Variants in NRXN3 observed in about 807,000 individuals in gnomAD.
NRXN3 encodes neurexin III.
A neutral mutation model predicts 137.6 loss-of-function variants in NRXN3; 32 were observed. The ratio of observed to expected loss-of-function variants is 0.23; its 90% confidence interval spans 0.18 to 0.31. The LOEUF is 0.31. NRXN3 is among the 10% of genes least tolerant of loss of function. The pLI is 1.00. For missense variants in NRXN3, 1,574 were observed against 2,062.5 expected, an observed-to-expected ratio of 0.76 and a Z score of 4.59; for synonymous variants, 798 against 784.5, an observed-to-expected ratio of 1.02 and a Z score of -0.29.
chr14:79,784,407 A>G (rs2099122923), intron 19 of NRXN3, among the ~76,000 whole-genome samples: 1 of 152,062 alleles, frequency 6.6e-6, no homozygotes, highest in African/African-American at 2.4e-5. Flanking sequence ...TACTGGGTTT[A>G]TTTTTGCATG....
At chr14:79,256,301 A>G (rs114549288) in intron 15 of NRXN3, among the ~76,000 whole-genome samples, 33 of 152,324 alleles carry the variant, frequency 2.2e-4, no homozygotes, top group African/African-American at 7.9e-4. Flanking sequence ...AAGCAAAGGT[A>G]AAATTCTCAA....
At chr14:79,528,081 T>C (rs1414256425) in intron 16 of NRXN3, among the ~76,000 whole-genome samples, 1 of 152,130 alleles carries the variant, frequency 6.6e-6, no homozygotes, top group Admixed American at 6.6e-5. Flanking sequence ...ATTTACGTAT[T>C]TAACCAAAAG....
chr14:78,952,615 C>T (rs1436328030), intron 10 of NRXN3, among the ~76,000 whole-genome samples: 1 of 152,158 alleles, frequency 6.6e-6, no homozygotes. Context: ...TCAAATCTAA[C>T]ACAGTCCATC....
chr14:79,028,484 A>G (rs1208850614), intron 15 of NRXN3, among the ~76,000 whole-genome samples: 1 of 152,144 alleles, frequency 6.6e-6, no homozygotes, highest in Non-Finnish European at 1.5e-5. Flanking sequence ...GCAAGGTTAA[A>G]CGTCTGACTC....
intron 16 of NRXN3, among the ~76,000 whole-genome samples, chr14:79,625,360 C>G (rs945215576): frequency 4.0e-5 from 6 of 151,868 alleles, no homozygotes; most frequent in Admixed American, 6.6e-5. Flanking sequence ...AGACATGAAC[C>G]AACTATCAGG....
At chr14:78,691,826 A>G (rs1400969801) in intron 6 of NRXN3, among the ~76,000 whole-genome samples, 1 of 152,188 alleles carries the variant, frequency 6.6e-6, no homozygotes, top group African/African-American at 2.4e-5. Context: ...TGGTAAATAC[A>G]GAAGATGCTT....
chr14:78,594,725 C>T (rs1240836955), intron 4 of NRXN3, among the ~76,000 whole-genome samples: 1 of 152,170 alleles, frequency 6.6e-6, no homozygotes, highest in Non-Finnish European at 1.5e-5. Flanking sequence ...CAAGAGGCCA[C>T]TGTGGGCTAT....
intron 8 of NRXN3, among the ~76,000 whole-genome samples, chr14:78,739,663 G>T (rs372459812): frequency 6.6e-6 from 1 of 152,078 alleles, no homozygotes; most frequent in East Asian, 1.9e-4. Context: ...GTAGAGATGG[G>T]GTTTCGCTAT....
At chr14:79,403,483 C>T (rs905173214) in intron 15 of NRXN3, among the ~76,000 whole-genome samples, 3 of 152,152 alleles carry the variant, frequency 2.0e-5, no homozygotes, top group African/African-American at 4.8e-5. Flanking sequence ...CCTGTTACTC[C>T]CTCTTAATCA....
At chr14:79,288,570 G>C (rs908491166) in intron 15 of NRXN3, among the ~76,000 whole-genome samples, 1 of 152,180 alleles carries the variant, frequency 6.6e-6, no homozygotes, top group African/African-American at 2.4e-5. Flanking sequence ...ACTCAGAGAG[G>C]TTAAGTGGCT....
intron 15 of NRXN3, among the ~76,000 whole-genome samples, chr14:79,391,987 C>G (rs1035548040): frequency 5.9e-5 from 9 of 151,786 alleles, no homozygotes; most frequent in Non-Finnish European, 1.2e-4. Context: ...TTTTTTTCTT[C>G]TCTCTCTTTT....
chr14:79,426,411 T>C (rs755546168), intron 15 of NRXN3, among the ~76,000 whole-genome samples: 3 of 152,126 alleles, frequency 2.0e-5, no homozygotes, highest in Non-Finnish European at 4.4e-5. Flanking sequence ...ATTTTGACAT[T>C]CAATCAGAGA....
chr14:78,499,801 G>A (rs1191065455), intron 4 of NRXN3, among the ~76,000 whole-genome samples: 2 of 152,174 alleles, frequency 1.3e-5, no homozygotes, highest in East Asian at 3.9e-4. Flanking sequence ...GTTCACTAGA[G>A]GCTGCCCTCA....
At chr14:79,008,661 C>CTTT (rs372617673) in intron 15 of NRXN3, among the ~76,000 whole-genome samples, 16 of 130,808 alleles carry the variant, frequency 1.2e-4, no homozygotes, top group African/African-American at 4.3e-4. Context: ...TTTCTCTTTG[C>CTTT]TTTTTTTTTT....
At chr14:79,574,060 A>G (rs540585123) in intron 16 of NRXN3, among the ~76,000 whole-genome samples, 28 of 152,302 alleles carry the variant, frequency 1.8e-4, no homozygotes, top group African/African-American at 5.3e-4. Flanking sequence ...AAAACATAAA[A>G]GCAATCTTGA....
intron 4 of NRXN3, among the ~76,000 whole-genome samples, chr14:78,336,108 C>A (rs1025430941): frequency 2.6e-5 from 4 of 152,074 alleles, no homozygotes; most frequent in Non-Finnish European, 5.9e-5. Context: ...GAGTATGATT[C>A]AATAGGTTTG....
At chr14:78,982,883 A>G (rs2099492942) in intron 14 of NRXN3, among the ~76,000 whole-genome samples, 1 of 152,182 alleles carries the variant, frequency 6.6e-6, no homozygotes, top group Non-Finnish European at 1.5e-5. Flanking sequence ...TGTGAAGTGT[A>G]TATCTGATAA....
intron 10 of NRXN3, among the ~76,000 whole-genome samples, chr14:78,913,333 G>C (rs1302807788): frequency 8.4e-6 from 1 of 119,468 alleles, no homozygotes; most frequent in East Asian, 2.9e-4. Flanking sequence ...AGGCTGGAGT[G>C]TAGTGGCGCA....
intron 10 of NRXN3, among the ~76,000 whole-genome samples, chr14:78,859,833 T>C (rs1279474471): frequency 1.3e-5 from 2 of 152,140 alleles, no homozygotes; most frequent in Non-Finnish European, 2.9e-5. Context: ...GTGGAAGTAG[T>C]GAAGAAGACA....
Sources: allele counts gnomAD v4.1 joint callset (sites outside exome capture counted in the v4.1 genomes callset), GRCh38; gene constraint gnomAD v4.1.1; transcripts MANE v1.5; gene names NCBI Gene and HGNC (gene_info 2026-07-23, HGNC 2026-07-21).